The following METTL16 variants were observed in gnomAD, a reference collection of about 807,000 sequenced individuals.
METTL16 encodes RNA N(6)-adenosine-methyltransferase METTL16.
METTL16 carries 19 observed loss-of-function variants against 57.9 expected under a neutral mutation model. The observed-to-expected ratio is 0.33, with a 90% CI of 0.23 to 0.48. METTL16 has a LOEUF of 0.48. METTL16 is among the 20% of genes least tolerant of loss of function. METTL16 has a pLI of 0.99. For missense variants in METTL16, 434 were observed against 691.5 expected (o/e 0.63, Z 4.18); for synonymous variants, 246 against 255.6 (o/e 0.96, Z 0.36).
chr17:2,479,151 G>A (rs906069252), intron 2 of METTL16, among the ~76,000 whole-genome samples: 1 of 151,610 alleles, frequency 6.6e-6, no homozygotes, highest in Non-Finnish European at 1.5e-5. Flanking sequence ...GGTCTTTTTT[G>A]GTTTTTGTGG....
chr17:2,506,460 A>AT (rs1324795025), intron 1 of METTL16, among the ~76,000 whole-genome samples: 2 of 151,058 alleles, frequency 1.3e-5, no homozygotes, highest in African/African-American at 4.9e-5. Flanking sequence ...TGGTTTTCGT[A>AT]TTTTTTTGGT....
At chr17:2,433,110 A>G (rs2066885832) in intron 8 of METTL16, among the ~76,000 whole-genome samples, 1 of 152,240 alleles carries the variant, frequency 6.6e-6, no homozygotes, top group South Asian at 2.1e-4. Context: ...AGTTAAGTCC[A>G]GAGGAAGGGA....
intron 7 of METTL16, among the ~76,000 whole-genome samples, chr17:2,440,490 G>A (rs960231302): frequency 9.2e-5 from 14 of 151,634 alleles, no homozygotes; most frequent in African/African-American, 2.9e-4. Flanking sequence ...CTCATGATCC[G>A]CCCACATCGG....
At chr17:2,437,722 G>A (rs1430012629) in intron 8 of METTL16, among the ~76,000 whole-genome samples, 19 of 152,008 alleles carry the variant, frequency 1.2e-4, no homozygotes. Context: ...GCTAATTTTT[G>A]CATTTTTAGC....
rs553416889 is a variant in METTL16 at position 2,495,837 on chromosome 17, G to A, written c.128+6367C>T. Reference sequence around the variant, plus strand: ...TTAAAAGTGAAGACCGGCCGGGCGCGGTGGCTCACGCCTGTAATCCCAGCA... The same window carrying A: ...TTAAAAGTGAAGACCGGCCGGGCGCAGTGGCTCACGCCTGTAATCCCAGCA... On this transcript the variant is annotated intron_variant, in intron 2 of 9. Transcript: ENST00000263092. Among the ~76,000 whole-genome samples, 54 of 151,638 alleles carry A rather than the reference G, an allele frequency of 3.6e-4. 2 individuals are homozygous for A. The highest frequency in any genetic ancestry group is 5.6e-4 in the Non-Finnish European group (38 of 68,000).
chr17:2,445,348 A>T (rs1239124105), intron 6 of METTL16, among the ~76,000 whole-genome samples: 1 of 152,152 alleles, frequency 6.6e-6, no homozygotes, highest in African/African-American at 2.4e-5. Flanking sequence ...TATAGCATTC[A>T]CACAATAACA....
At chr17:2,449,688 A>T (rs557807687) in intron 6 of METTL16, among the ~76,000 whole-genome samples, 1 of 152,348 alleles carries the variant, frequency 6.6e-6, no homozygotes, top group South Asian at 2.1e-4. Context: ...CGGTCAGCTG[A>T]TTTTAAACAA....
chr17:2,427,037 G>C (rs909304452), intron 8 of METTL16, among the ~76,000 whole-genome samples: 6 of 151,974 alleles, frequency 3.9e-5, no homozygotes, highest in South Asian at 2.1e-4. Context: ...CAGCTGCTCG[G>C]AAGACTGAGG....
At position 2,420,420 on chromosome 17, in the gene METTL16, G is replaced by C. The variant is rs1363193868; in HGVS notation, c.1239C>G (p.Pro413=). The change falls in exon 10 of 10, where the codon CCC becomes CCG. Residue 413 remains proline, a synonymous_variant. Transcript: ENST00000263092. The surrounding 1 kb of genome is among the most constrained non-coding windows in gnomAD (Gnocchi z 5.4). ...GTTCTTGGCTATTGCCAGACTCTTTGGGGGTGGGCTTTTTCTCTTCCAAGG... is the reference window on the plus strand; with the variant it reads ...GTTCTTGGCTATTGCCAGACTCTTTCGGGGTGGGCTTTTTCTCTTCCAAGG... ...IQALEEKKPT[P]KESGNSQELA... 3 of 1,613,918 alleles carry C rather than the reference G, an allele frequency of 1.9e-6. No individual in the cohort carries two copies. The highest frequency in any genetic ancestry group is 2.5e-6 in the Non-Finnish European group (3 of 1,180,036).
intron 8 of METTL16, among the ~76,000 whole-genome samples, chr17:2,436,060 G>A (rs570535064): frequency 2.6e-5 from 4 of 152,124 alleles, no homozygotes; most frequent in Admixed American, 6.6e-5. Flanking sequence ...CACCTGCAGC[G>A]CCGACACATG....
intron 2 of METTL16, among the ~76,000 whole-genome samples, chr17:2,480,806 TGAAA>T (rs1430613428): frequency 6.6e-6 from 1 of 152,152 alleles, no homozygotes; most frequent in Admixed American, 6.5e-5. Flanking sequence ...GTAGAAGTAA[TGAAA>T]GAGTTAGATA....
chr17:2,506,316 CG>C (rs1450548708), intron 1 of METTL16, among the ~76,000 whole-genome samples: 1 of 148,466 alleles, frequency 6.7e-6, no homozygotes, highest in African/African-American at 2.5e-5. Flanking sequence ...CCTCTTGCCA[CG>C]GTCTCCCTCT....
Position 2,440,291 on chromosome 17 carries a change from C to T in METTL16, c.798+1199G>A, listed in dbSNP as rs1256320490. ...TTGAGACGGAGTCTCGCTGTGTCAC[C>T]AGGCTGGAGTGCAGTGGCACGATCT... On this transcript the variant is annotated intron_variant, in intron 7 of 9. Transcript: ENST00000263092. Among the ~76,000 whole-genome samples, 6 of 151,906 alleles carry T rather than the reference C, an allele frequency of 3.9e-5. No homozygotes were observed. The East Asian group carries it at 1.2e-3, about 29-fold the overall frequency.
At chr17:2,496,815 G>C (rs1355490864) in intron 2 of METTL16, among the ~76,000 whole-genome samples, 1 of 151,496 alleles carries the variant, frequency 6.6e-6, no homozygotes, top group Admixed American at 6.6e-5. Context: ...TTAAAAAAAA[G>C]CTTGCAGAAG....
Position 2,420,069 on chromosome 17 carries a change from T to C in METTL16, c.1590A>G (p.Leu530=), listed in dbSNP as rs918536918. Residue 530 remains leucine, a synonymous_variant, in exon 10 of 10, where the codon TTA becomes TTG. Coordinates refer to ENST00000263092, the MANE Select transcript of METTL16 (RefSeq NM_024086.4). The surrounding 1 kb of genome is among the most constrained non-coding windows in gnomAD (Gnocchi z 5.4). ...GGCCCTCAACCCAGTGCATCTCCAC[T>C]AAGGCATCGTCCACCTCCTTCTTAA... ...INVKKEVDDA[L]VEMHWVEGQN... 1 of 1,614,192 alleles carries C rather than the reference T, an allele frequency of 6.2e-7. No individual in the cohort carries two copies.
intron 6 of METTL16, among the ~76,000 whole-genome samples, chr17:2,456,385 G>A (rs1407727577): frequency 6.6e-6 from 1 of 152,160 alleles, no homozygotes; most frequent in Non-Finnish European, 1.5e-5. Flanking sequence ...ACAAGAAGTG[G>A]TATGTTCTTT....
chr17:2,421,894 G>A (rs1482103030), intron 8 of METTL16, among the ~76,000 whole-genome samples: 1 of 152,218 alleles, frequency 6.6e-6, no homozygotes, highest in Admixed American at 6.5e-5. Flanking sequence ...CACCGGCGCT[G>A]ATGAGAAGAC....
Position 2,417,414 on chromosome 17 carries a change from TCTC to T in METTL16, c.*2553_*2555del, listed in dbSNP as rs1282284975. ...GGTCATTAGCTTGACATCTATAAAATCTCCTCCATGACATGAAGCCTTAAACCT... is the reference window on the plus strand; with the variant it reads ...GGTCATTAGCTTGACATCTATAAAATCTCCATGACATGAAGCCTTAAACCT... On this transcript the variant is annotated 3_prime_UTR_variant, in exon 10 of 10. Transcript: ENST00000263092. The T allele has an allele frequency of 1.3e-4, 19 of 151,820 alleles. No individual in the cohort carries two copies. The highest frequency in any genetic ancestry group is 7.4e-5 in the Non-Finnish European group (5 of 67,992). 9.4% of individuals were successfully genotyped at this position (151,820 alleles called of 1,614,324 possible).
intron 2 of METTL16, among the ~76,000 whole-genome samples, chr17:2,489,745 A>AAAAAAAAAAAAAAAC (rs1425865208): frequency 1.3e-5 from 2 of 150,442 alleles, no homozygotes; most frequent in Non-Finnish European, 3.0e-5. Flanking sequence ...AAAAAAAAAA[A>AAAAAAAAAAAAAAAC]AAAACGAATA....
Sources: gnomAD v4.1 joint callset for allele counts (sites outside exome capture counted in the v4.1 genomes callset) on GRCh38, gnomAD v4.1.1 for gene constraint, Gnocchi (gnomAD v3.1) non-coding constraint, MANE v1.5 for transcripts, NCBI Gene and HGNC (gene_info 2026-07-23, HGNC 2026-07-21) for gene names.